AKR1C8: variants seen among roughly 807,000 people sequenced by gnomAD.
AKR1C8 encodes the protein aldo-keto reductase family 1 member C-like protein 1.
chr10:5,121,035 C>A, the AKR1C8 span, among the ~76,000 whole-genome samples: 3 of 151,710 alleles, frequency 2.0e-5, no homozygotes, highest in Non-Finnish European at 2.9e-5. Context: ...CTACAACAAT[C>A]CAGGTTTTTT....
chr10:5,184,210 C>G, the AKR1C8 span, among the ~76,000 whole-genome samples: 1 of 152,188 alleles, frequency 6.6e-6, no homozygotes, highest in Non-Finnish European at 1.5e-5. Context: ...CCCAGTCCAT[C>G]AAAACCCTAG....
chr10:5,120,078 A>G, the AKR1C8 span, among the ~76,000 whole-genome samples: 1 of 152,312 alleles, frequency 6.6e-6, no homozygotes, highest in East Asian at 1.9e-4. Flanking sequence ...ATGGCAAGGA[A>G]CAGCTGGCCC....
the AKR1C8 span, among the ~76,000 whole-genome samples, chr10:5,137,699 T>C: frequency 6.6e-6 from 1 of 152,088 alleles, no homozygotes; most frequent in Non-Finnish European, 1.5e-5. Context: ...AATACTTCAG[T>C]GTATGTTCTT....
the AKR1C8 span, among the ~76,000 whole-genome samples, chr10:5,131,888 C>A: frequency 6.6e-6 from 1 of 152,092 alleles, no homozygotes. Flanking sequence ...CATGCACACA[C>A]GTGTATAGCA....
At chr10:5,138,799 T>C in the AKR1C8 span, among the ~76,000 whole-genome samples, 5 of 152,152 alleles carry the variant, frequency 3.3e-5, no homozygotes, top group South Asian at 2.1e-4. Context: ...CTATTCAACA[T>C]AGGAGCAAGA....
chr10:5,153,037 T>C, the AKR1C8 span, among the ~76,000 whole-genome samples: 1 of 152,182 alleles, frequency 6.6e-6, no homozygotes, highest in African/African-American at 2.4e-5. Context: ...GTTAGAGATC[T>C]TGCAGAAGGA....
At chr10:5,137,962 C>T in the AKR1C8 span, among the ~76,000 whole-genome samples, 2 of 152,066 alleles carry the variant, frequency 1.3e-5, no homozygotes, top group Non-Finnish European at 2.9e-5. Context: ...AGAAAGATCA[C>T]ATGCTTCTGA....
chr10:5,169,903 T>C, the AKR1C8 span, among the ~76,000 whole-genome samples: 1 of 152,162 alleles, frequency 6.6e-6, no homozygotes, highest in Non-Finnish European at 1.5e-5. Context: ...CATTTTCAGC[T>C]TAAGATTTCT....
the AKR1C8 span, among the ~76,000 whole-genome samples, chr10:5,168,530 C>G: frequency 6.6e-6 from 1 of 152,020 alleles, no homozygotes; most frequent in Admixed American, 6.6e-5. Context: ...GAGACCTGGG[C>G]AAGTTATTTG....
the AKR1C8 span, among the ~76,000 whole-genome samples, chr10:5,172,876 G>T: frequency 1.3e-5 from 2 of 152,092 alleles, no homozygotes; most frequent in African/African-American, 2.4e-5. Flanking sequence ...ACCAGAAGAA[G>T]ATCTAGTAGT....
the AKR1C8 span, among the ~76,000 whole-genome samples, chr10:5,116,836 A>G: frequency 2.0e-4 from 30 of 152,184 alleles, no homozygotes; most frequent in Non-Finnish European, 3.2e-4. Flanking sequence ...CCATCTGTGA[A>G]TGACTTACAA....
chr10:5,122,178 G>T, the AKR1C8 span: 75 of 384,044 alleles, frequency 2.0e-4, 1 homozygote, highest in African/African-American at 1.5e-3. Context: ...CTGAAAGGCA[G>T]GCGATACTCA....
chr10:5,141,894 G>A, the AKR1C8 span, among the ~76,000 whole-genome samples: 1 of 152,034 alleles, frequency 6.6e-6, no homozygotes, highest in Non-Finnish European at 1.5e-5. Flanking sequence ...ACCAGGAATG[G>A]GAGCTACTAA....
chr10:5,140,590 T>C, the AKR1C8 span, among the ~76,000 whole-genome samples: 8 of 149,528 alleles, frequency 5.4e-5, no homozygotes, highest in African/African-American at 2.0e-4. Flanking sequence ...AGGTGGGAAC[T>C]GAACAATGAG....
chr10:5,153,406 A>T, the AKR1C8 span, among the ~76,000 whole-genome samples: 1 of 152,244 alleles, frequency 6.6e-6, no homozygotes, highest in Admixed American at 6.5e-5. Context: ...GTAGTTATTT[A>T]AAAAGTATAG....
the AKR1C8 span, among the ~76,000 whole-genome samples, chr10:5,118,517 C>A: frequency 2.0e-5 from 3 of 152,008 alleles, 1 homozygote; most frequent in African/African-American, 7.2e-5. Flanking sequence ...AGAGTAGTAT[C>A]TTTAGTTTTT....
At chr10:5,136,173 G>C in the AKR1C8 span, among the ~76,000 whole-genome samples, 2 of 152,096 alleles carry the variant, frequency 1.3e-5, no homozygotes, top group Admixed American at 6.6e-5. Context: ...CATAAAACTG[G>C]AATCTAATTA....
chr10:5,162,827 G>C, the AKR1C8 span: 1 of 510,024 alleles, frequency 2.0e-6, no homozygotes, highest in Non-Finnish European at 4.1e-6. Flanking sequence ...AGTGGCCTCT[G>C]GCTACTGTAC....
the AKR1C8 span, among the ~76,000 whole-genome samples, chr10:5,148,287 G>C: frequency 6.6e-6 from 1 of 152,116 alleles, no homozygotes; most frequent in African/African-American, 2.4e-5. Context: ...GTAAAAATAA[G>C]AAGTGGGGAG....
Sources: gnomAD v4.1 joint callset for allele counts (sites outside exome capture counted in the v4.1 genomes callset) on GRCh38, gnomAD v4.1.1 for gene constraint, MANE v1.5 for transcripts, NCBI Gene and HGNC (gene_info 2026-07-23, HGNC 2026-07-21) for gene names.